The following DTWD2 variants were observed in gnomAD, a reference collection of about 807,000 sequenced individuals.
DTWD2 encodes the protein tRNA-uridine aminocarboxypropyltransferase 2.
Under a neutral mutation model 31.8 loss-of-function variants are expected in DTWD2, and 39 were observed. The ratio of observed to expected loss-of-function variants is 1.22; its 90% CI spans 0.95 to 1.60. DTWD2 has a LOEUF of 1.60. Ranked by LOEUF, DTWD2 falls within the 40% of genes most tolerant of loss-of-function variation. The pLI, the probability that DTWD2 is intolerant of heterozygous loss-of-function variation, is 0.00. For missense variants in DTWD2, 515 were observed against 381.5 expected (o/e 1.35, Z -2.92); for synonymous variants, 180 against 142.8 (o/e 1.26, Z -1.86).
chr5:118,907,970 A>G (rs1343658938), intron 4 of DTWD2, among the ~76,000 whole-genome samples: 1 of 152,220 alleles, frequency 6.6e-6, no homozygotes, highest in African/African-American at 2.4e-5. Flanking sequence ...ATTTTTAAAC[A>G]AATATTTGGG....
At chr5:118,930,106 C>A (rs754342883) in intron 3 of DTWD2, among the ~76,000 whole-genome samples, 2 of 152,174 alleles carry the variant, frequency 1.3e-5, no homozygotes, top group Admixed American at 1.3e-4. Flanking sequence ...CTCCCTTACA[C>A]GTCAATAAAT....
At chr5:118,982,774 C>T (rs1396657297) in intron 1 of DTWD2, among the ~76,000 whole-genome samples, 28 of 150,632 alleles carry the variant, frequency 1.9e-4, no homozygotes, top group South Asian at 6.3e-4. Context: ...CTGCAACCTC[C>T]GCCTCCCAAG....
At chr5:118,957,970 C>T (rs946463254) in intron 1 of DTWD2, among the ~76,000 whole-genome samples, 15 of 152,180 alleles carry the variant, frequency 9.9e-5, no homozygotes, top group Admixed American at 7.8e-4. Context: ...TACTAATATA[C>T]AATAAGTGTG....
intron 4 of DTWD2, among the ~76,000 whole-genome samples, chr5:118,873,261 C>A (rs1752547340): frequency 6.6e-6 from 1 of 152,184 alleles, no homozygotes; most frequent in Non-Finnish European, 1.5e-5. Context: ...GACTTTAGCC[C>A]TAGGGGAAAT....
At chr5:118,852,427 A>G (rs1019372931) in intron 4 of DTWD2, among the ~76,000 whole-genome samples, 1 of 152,180 alleles carries the variant, frequency 6.6e-6, no homozygotes, top group African/African-American at 2.4e-5. Context: ...TGTCCATGAA[A>G]TCTTCACAAT....
chr5:118,902,601 G>A (rs974560792), intron 4 of DTWD2, among the ~76,000 whole-genome samples: 1 of 151,854 alleles, frequency 6.6e-6, no homozygotes, highest in African/African-American at 2.4e-5. Context: ...TAAAGTTTCT[G>A]ATCAATGTAA....
intron 4 of DTWD2, among the ~76,000 whole-genome samples, chr5:118,848,961 C>T (rs1281951105): frequency 6.6e-6 from 1 of 152,176 alleles, no homozygotes; most frequent in African/African-American, 2.4e-5. Flanking sequence ...AGGACACAGG[C>T]ATGGGCAAAG....
chr5:118,885,302 A>C (rs1431047219), intron 4 of DTWD2, among the ~76,000 whole-genome samples: 2 of 151,610 alleles, frequency 1.3e-5, no homozygotes, highest in Admixed American at 6.6e-5. Context: ...AAATACAAAA[A>C]ATTAGCTGGG....
At chr5:118,879,609 CAAAAAAAAAA>C (rs775009585) in intron 4 of DTWD2, among the ~76,000 whole-genome samples, 1 of 36,200 alleles carries the variant, frequency 2.8e-5, no homozygotes, top group Admixed American at 2.6e-4. Context: ...GACTACAGCT[CAAAAAAAAAA>C]AAAAAAAAAA....
At chr5:118,942,979 T>C (rs1412934747) in intron 2 of DTWD2, among the ~76,000 whole-genome samples, 1 of 152,052 alleles carries the variant, frequency 6.6e-6, no homozygotes, top group Admixed American at 6.5e-5. Flanking sequence ...ATTTTTTTAT[T>C]TGTTTATAGA....
chr5:118,988,408 C>A lies in DTWD2; in HGVS notation c.104G>T (p.Gly35Val), dbSNP rs992724426. ...CAGGGCAGCCGCCGCCGGCACTGCGCCGCCCTCCCGCCGCTCCTTGTCGTT... is the reference window on the plus strand; with the variant it reads ...CAGGGCAGCCGCCGCCGGCACTGCGACGCCCTCCCGCCGCTCCTTGTCGTT... ...TPNDKERREGGAVPAAAALGA... is the reference protein window; with the variant it reads ...TPNDKERREGVAVPAAAALGA... The change falls in exon 1 of 6, where the codon GGC becomes GTC. Residue 35 changes from glycine (G) to valine (V), a missense_variant. Coordinates refer to ENST00000510708, the MANE Select transcript of DTWD2 (RefSeq NM_173666.4). 18 of 1,600,038 alleles carry A rather than the reference C, an allele frequency of 1.1e-5. No homozygotes were observed. The highest frequency in any genetic ancestry group is 1.4e-5 in the Non-Finnish European group (17 of 1,175,388).
rs746619578 is a variant in DTWD2, at chr5:118,841,047, A to C, written c.767T>G (p.Leu256Arg). The change falls in exon 6 of 6, where the codon CTT becomes CGT. Residue 256 changes from leucine (L) to arginine (R), a missense_variant. Transcript: ENST00000510708. ...GAGGCGAATTTGGGCACCATGCTGA[A>C]GTTGAAAGGAGCATAAAGCTTGAAG... is the stretch of plus-strand genomic sequence containing the variant. Reference protein sequence around the residue: ...RPLQALCSFQLQHGAQIRLSK... With the variant: ...RPLQALCSFQRQHGAQIRLSK... 149 of 1,613,324 alleles carry C rather than the reference A, an allele frequency of 9.2e-5. No homozygotes were observed. Among genetic ancestry groups the C allele is most frequent in the Non-Finnish European group, 1.2e-4 (145 of 1,179,632 alleles).
intron 1 of DTWD2, among the ~76,000 whole-genome samples, chr5:118,947,700 G>A (rs1490451259): frequency 1.3e-5 from 2 of 152,202 alleles, no homozygotes; most frequent in African/African-American, 4.8e-5. Context: ...TTCCAGGCTT[G>A]AGGGTGGGGC....
At chr5:118,968,189 A>G (rs1754896999) in intron 1 of DTWD2, among the ~76,000 whole-genome samples, 1 of 152,090 alleles carries the variant, frequency 6.6e-6, no homozygotes, top group African/African-American at 2.4e-5. Flanking sequence ...CAAAAGTAAC[A>G]AAATCGTGAA....
intron 4 of DTWD2, among the ~76,000 whole-genome samples, chr5:118,889,388 C>A (rs1407522346): frequency 6.6e-6 from 1 of 152,008 alleles, no homozygotes; most frequent in Non-Finnish European, 1.5e-5. Flanking sequence ...CAATAAATTA[C>A]ATTCAGACAT....
At chr5:118,950,413 A>T (rs1411500430) in intron 1 of DTWD2, among the ~76,000 whole-genome samples, 1 of 152,042 alleles carries the variant, frequency 6.6e-6, no homozygotes, top group African/African-American at 2.4e-5. Context: ...CCACTGTAAG[A>T]GTTACCTCAA....
intron 4 of DTWD2, among the ~76,000 whole-genome samples, chr5:118,850,774 A>G (rs763079576): frequency 9.2e-5 from 14 of 152,252 alleles, no homozygotes; most frequent in South Asian, 6.2e-4. Flanking sequence ...GCATCCAACA[A>G]AGCTCTAATA....
chr5:118,949,888 G>A (rs1754421038), intron 1 of DTWD2, among the ~76,000 whole-genome samples: 1 of 152,084 alleles, frequency 6.6e-6, no homozygotes. Context: ...GGGCACGTGG[G>A]GATAACTAAA....
chr5:118,983,947 C>T (rs562501581), intron 1 of DTWD2, among the ~76,000 whole-genome samples: 14 of 152,176 alleles, frequency 9.2e-5, no homozygotes, highest in African/African-American at 2.9e-4. Context: ...GTCAGGAGTT[C>T]GAGACCAGCC....
Sources: gnomAD v4.1 joint callset for allele counts (sites outside exome capture counted in the v4.1 genomes callset) on GRCh38, gnomAD v4.1.1 for gene constraint, MANE v1.5 for transcripts, NCBI Gene and HGNC (gene_info 2026-07-23, HGNC 2026-07-21) for gene names.